KCNH1: variants seen among roughly 807,000 people sequenced by gnomAD.
The protein encoded by KCNH1 is voltage-gated delayed rectifier potassium channel KCNH1.
Under a neutral mutation model 69.2 loss-of-function variants are expected in KCNH1, and 27 were observed. That is an observed-to-expected ratio of 0.39 (90% CI 0.29 to 0.54). The LOEUF (loss-of-function observed/expected upper bound fraction) is 0.54, where lower values mean the gene tolerates loss of function less well. Ranked by LOEUF, KCNH1 falls within the 20% of genes least tolerant of loss-of-function variation. KCNH1 has a pLI of 0.68. For synonymous variants in KCNH1, 456 were observed against 487.7 expected (o/e 0.93, Z 0.86); for missense variants, 798 against 1,261.6 (o/e 0.63, Z 5.57).
At chr1:210,733,082 G>A (rs551636457) in intron 10 of KCNH1, among the ~76,000 whole-genome samples, 1 of 152,280 alleles carries the variant, frequency 6.6e-6, no homozygotes, top group African/African-American at 2.4e-5. Context: ...TTTGGTGACA[G>A]AAGAACCAGA....
chr1:211,100,066 T>C (rs1691231171), intron 3 of KCNH1, among the ~76,000 whole-genome samples: 1 of 152,208 alleles, frequency 6.6e-6, no homozygotes. Context: ...TTTGCTATGT[T>C]TCTCAGGTCA....
chr1:210,897,716 T>C (rs950887297), intron 7 of KCNH1, among the ~76,000 whole-genome samples: 5 of 152,204 alleles, frequency 3.3e-5, no homozygotes, highest in Non-Finnish European at 7.3e-5. Context: ...CTTTGGGGAA[T>C]GTAGGGAGAG....
chr1:210,924,511 A>G (rs912027290), intron 6 of KCNH1, among the ~76,000 whole-genome samples: 4 of 152,218 alleles, frequency 2.6e-5, no homozygotes, highest in Non-Finnish European at 5.9e-5. Context: ...TAGTTGTCTA[A>G]TGCATTTTAA....
At chr1:210,920,532 G>A (rs779021744) in intron 6 of KCNH1, among the ~76,000 whole-genome samples, 22 of 152,206 alleles carry the variant, frequency 1.4e-4, no homozygotes, top group Admixed American at 3.3e-4. Context: ...GCTGAAAATG[G>A]TTGGGAAATA....
At chr1:210,907,246 T>G (rs545371914) in intron 7 of KCNH1, among the ~76,000 whole-genome samples, 2 of 152,152 alleles carry the variant, frequency 1.3e-5, no homozygotes, top group Non-Finnish European at 2.9e-5. Flanking sequence ...CTCCAAGTAG[T>G]CAGGGTACAA....
chr1:210,962,673 G>A (rs1225614432), intron 6 of KCNH1, among the ~76,000 whole-genome samples: 1 of 151,764 alleles, frequency 6.6e-6, no homozygotes, highest in Admixed American at 6.6e-5. Context: ...GATCTGGGTT[G>A]TTTCCAGGTT....
intron 1 of KCNH1, among the ~76,000 whole-genome samples, chr1:211,130,464 T>G (rs116349966): frequency 0.015 from 2,250 of 152,236 alleles, 48 homozygotes; most frequent in African/African-American, 0.051. Flanking sequence ...TGGACCAAGA[T>G]TCACTAGAAT....
At chr1:210,969,580 T>C (rs1457727753) in intron 6 of KCNH1, among the ~76,000 whole-genome samples, 1 of 152,088 alleles carries the variant, frequency 6.6e-6, no homozygotes, top group Non-Finnish European at 1.5e-5. Flanking sequence ...CTTAATTTTC[T>C]CTTACTGTCT....
Position 210,684,118 on chromosome 1 carries a change from G to C in KCNH1, c.2133C>G (p.Ser711Arg), listed in dbSNP as rs1475786662. ...GTTCTTCCTCTTCACGTTTCACATC[G>C]CTGATCTTCCGGAACACAATCTGGA... is the stretch of plus-strand genomic sequence containing the variant. ...LRKRIVFRKI[S>R]DVKREEEERM... The change falls in exon 11 of 11, where the codon AGC becomes AGG. Residue 711 changes from serine (S) to arginine (R), a missense_variant. Ser to Arg is a moderately radical substitution (Grantham distance 110). This residue lies in a region of KCNH1 where 197 missense variants were observed against 407.7 expected (regional missense o/e 0.48). Transcript: ENST00000271751. The C allele has an allele frequency of 6.6e-7, 1 of 1,508,994 alleles. No homozygotes were observed. The highest frequency in any genetic ancestry group is 8.9e-7 in the Non-Finnish European group (1 of 1,129,258). The allele number at this position is 1,508,994 out of a possible 1,614,324, so 93.5% of individuals were successfully genotyped here. A position where few individuals can be genotyped will look rare whatever the true frequency, so the allele number is the denominator to read the frequency against.
At chr1:210,832,928 A>ATATATAT (rs1269090752) in intron 7 of KCNH1, among the ~76,000 whole-genome samples, 1 of 149,102 alleles carries the variant, frequency 6.7e-6, no homozygotes, top group Admixed American at 6.7e-5. Flanking sequence ...ATATACATAT[A>ATATATAT]AATTGAATTT....
intron 7 of KCNH1, chr1:210,862,107 AT>A: frequency 9.2e-7 from 1 of 1,087,732 alleles, no homozygotes; most frequent in South Asian, 1.2e-5. Flanking sequence ...TATTTTTCAA[AT>A]AGATAACACC....
At chr1:211,120,911 A>G (rs1048880446) in intron 1 of KCNH1, among the ~76,000 whole-genome samples, 1 of 152,180 alleles carries the variant, frequency 6.6e-6, no homozygotes, top group Admixed American at 6.5e-5. Flanking sequence ...AAGCCAAATC[A>G]TGAACGAACT....
chr1:210,962,275 T>C (rs1321199959), intron 6 of KCNH1, among the ~76,000 whole-genome samples: 1 of 152,184 alleles, frequency 6.6e-6, no homozygotes, highest in Non-Finnish European at 1.5e-5. Context: ...CTCAAGATCA[T>C]TCTCCTTGAT....
chr1:210,734,445 C>A (rs1382241717), intron 10 of KCNH1, among the ~76,000 whole-genome samples: 1 of 152,148 alleles, frequency 6.6e-6, no homozygotes, highest in East Asian at 1.9e-4. Flanking sequence ...CAGCTCAGGG[C>A]CCATAAAAAA....
At chr1:210,694,303 G>A (rs999479086) in intron 10 of KCNH1, among the ~76,000 whole-genome samples, 1 of 152,070 alleles carries the variant, frequency 6.6e-6, no homozygotes. Flanking sequence ...CGGTGCCAGT[G>A]TACCAGCTGC....
chr1:210,944,737 T>C (rs1233854236), intron 6 of KCNH1, among the ~76,000 whole-genome samples: 2 of 152,218 alleles, frequency 1.3e-5, no homozygotes, highest in Non-Finnish European at 2.9e-5. Flanking sequence ...GGCTACTGTA[T>C]TTTTTTATTG....
At chr1:211,130,298 T>C (rs1691853430) in intron 1 of KCNH1, among the ~76,000 whole-genome samples, 1 of 152,198 alleles carries the variant, frequency 6.6e-6, no homozygotes, top group Admixed American at 6.5e-5. Context: ...AATTATCAAA[T>C]CTTTCCTTAA....
chr1:210,684,272 C>T, intron 10 of KCNH1, 134 bp from the exon 11 acceptor site: 1 of 869,246 alleles, frequency 1.2e-6, no homozygotes, highest in Middle Eastern at 3.8e-4. Context: ...GGCTCACAGC[C>T]TACAAGGCCT....
intron 10 of KCNH1, among the ~76,000 whole-genome samples, chr1:210,700,727 A>G (rs1177986079): frequency 6.6e-6 from 1 of 152,198 alleles, no homozygotes; most frequent in Non-Finnish European, 1.5e-5. Flanking sequence ...CAAAATGTAA[A>G]CAAATGGTCA....
Sources: gnomAD v4.1 joint callset for allele counts (sites outside exome capture counted in the v4.1 genomes callset) on GRCh38, gnomAD v4.1.1 for gene constraint, gnomAD v4.1.1 regional missense constraint, MANE v1.5 for transcripts, NCBI Gene and HGNC (gene_info 2026-07-23, HGNC 2026-07-21) for gene names.